GABRB3: variants seen among roughly 807,000 people sequenced by gnomAD.
The protein encoded by GABRB3 is gamma-aminobutyric acid receptor subunit beta-3.
Under a neutral mutation model 52.1 loss-of-function variants are expected in GABRB3, and 14 were observed. The ratio of observed to expected loss-of-function variants is 0.27; its 90% CI spans 0.18 to 0.42. GABRB3 has a LOEUF of 0.42. Among genes scored for constraint, GABRB3 ranks in the 10% least tolerant of loss-of-function variants. The pLI, the probability that GABRB3 is intolerant of heterozygous loss-of-function variation, is 1.00. For missense variants in GABRB3, 307 were observed against 609.1 expected (o/e 0.50, Z 5.22); for synonymous variants, 260 against 232.3 (o/e 1.12, Z -1.08).
At position 26,554,207 on chromosome 15, in the gene GABRB3, A is replaced by ATATATATATATATATATATATT. The variant is rs1348288306; in HGVS notation, c.1081-6074_1081-6073insAATATATATATATATATATATA. On this transcript the variant is annotated intron_variant, in intron 8 of 8. Coordinates refer to ENST00000311550, the MANE Select transcript of GABRB3 (RefSeq NM_000814.6). ...ATATATATACTATATATATATATATATAGTAGAAACAAGGTCTCTCTTTGT... is the reference window on the plus strand; with the variant it reads ...ATATATATACTATATATATATATATATATATATATATATATATATATTTAGTAGAAACAAGGTCTCTCTTTGT... Among the ~76,000 whole-genome samples the ATATATATATATATATATATATT allele has an allele frequency of 1.2e-4, 7 of 57,832 alleles. 2 individuals carry two copies. The highest frequency in any genetic ancestry group is 0.013 in the Middle Eastern group (1 of 76). 37.9% of individuals were successfully genotyped at this position (57,832 alleles called of 152,430 possible).
chr15:26,727,541 C>T (rs1595554424), intron 3 of GABRB3, among the ~76,000 whole-genome samples: 1 of 152,134 alleles, frequency 6.6e-6, no homozygotes, highest in Admixed American at 6.5e-5. Flanking sequence ...AAATGCTCAC[C>T]TAAGCTTACC....
chr15:26,718,962 C>T (rs563689746), intron 3 of GABRB3, among the ~76,000 whole-genome samples: 11 of 152,374 alleles, frequency 7.2e-5, no homozygotes, highest in Admixed American at 7.2e-4. Context: ...CCTGGACAAG[C>T]TCTTCCTCTG....
chr15:26,621,607 A>C lies in GABRB3; in HGVS notation c.241-73T>G. The C allele has an allele frequency of 8.2e-7, 1 of 1,223,584 alleles. No homozygotes were observed. The highest frequency in any genetic ancestry group is 1.2e-6 in the Non-Finnish European group (1 of 843,356). 75.8% of individuals were successfully genotyped at this position (1,223,584 alleles called of 1,614,324 possible). A position where few individuals can be genotyped will look rare whatever the true frequency, so the allele number is the denominator to read the frequency against. ...GTGTATTTCCTCCACGACCAGCCAA[A>C]TTCAGGTTGCAATCTAGGCTCTACA... On this transcript the variant is annotated intron_variant, in intron 3 of 8. Transcript: ENST00000311550. The surrounding 1 kb of genome is among the most constrained non-coding windows in gnomAD (Gnocchi z 4.1).
chr15:26,604,725 G>A (rs1158895753), intron 4 of GABRB3, among the ~76,000 whole-genome samples: 3 of 135,032 alleles, frequency 2.2e-5, no homozygotes, highest in Admixed American at 7.4e-5. Context: ...GCAGAAGAAC[G>A]AAACTTGACC....
chr15:26,565,643 G>A (rs1203440256), intron 7 of GABRB3, among the ~76,000 whole-genome samples: 2 of 152,034 alleles, frequency 1.3e-5, no homozygotes, highest in Non-Finnish European at 2.9e-5. Flanking sequence ...CTCACTTCCG[G>A]GGTATTAACG....
rs201145554 is a variant in GABRB3, at chr15:26,753,216, G to T, written c.240+19186C>A. On this transcript the variant is annotated intron_variant, in intron 3 of 8. Coordinates refer to ENST00000311550, the MANE Select transcript of GABRB3 (RefSeq NM_000814.6). ...TAGTGTCCCGTCACCGCAGACACTG[G>T]CTCCAGTTACCCCTTCACGACACAC... Among the ~76,000 whole-genome samples the T allele has an allele frequency of 2.0e-5, 3 of 152,198 alleles. No homozygotes were observed. In the East Asian group the frequency reaches 5.8e-4, roughly 30 times the overall value.
At chr15:26,572,195 C>T (rs1458659625) in intron 6 of GABRB3, among the ~76,000 whole-genome samples, 3 of 152,238 alleles carry the variant, frequency 2.0e-5, no homozygotes, top group Admixed American at 6.5e-5. Flanking sequence ...AGTTTACCTT[C>T]CCAACTATTT....
At chr15:26,624,633 T>C (rs1221096362) in intron 3 of GABRB3, 2 of 985,376 alleles carry the variant, frequency 2.0e-6, no homozygotes, top group Non-Finnish European at 2.4e-6. Flanking sequence ...GGGTAAGAGC[T>C]TAGGTAACAG....
At chr15:26,697,639 C>T (rs1369457915) in intron 3 of GABRB3, among the ~76,000 whole-genome samples, 2 of 152,314 alleles carry the variant, frequency 1.3e-5, no homozygotes, top group East Asian at 1.9e-4. Flanking sequence ...TCTCATCCCA[C>T]GGCTTCAGAG....
At chr15:26,767,567 C>T (rs554683614) in intron 3 of GABRB3, among the ~76,000 whole-genome samples, 56 of 152,270 alleles carry the variant, frequency 3.7e-4, no homozygotes, top group African/African-American at 1.3e-3. Context: ...GCTAGACGTT[C>T]CCAGGGACTT....
At chr15:26,763,200 C>T (rs1890867684) in intron 3 of GABRB3, among the ~76,000 whole-genome samples, 1 of 152,144 alleles carries the variant, frequency 6.6e-6, no homozygotes, top group Non-Finnish European at 1.5e-5. Flanking sequence ...GGTTCTTGGC[C>T]TATAGCTTTG....
intron 3 of GABRB3, among the ~76,000 whole-genome samples, chr15:26,660,677 T>C (rs1338078845): frequency 6.6e-6 from 1 of 152,118 alleles, no homozygotes; most frequent in Non-Finnish European, 1.5e-5. Context: ...GATCTGGTTT[T>C]GCCTTTTCTG....
chr15:26,726,087 A>G (rs1234032314), intron 3 of GABRB3, among the ~76,000 whole-genome samples: 1 of 151,156 alleles, frequency 6.6e-6, no homozygotes, highest in Non-Finnish European at 1.5e-5. Flanking sequence ...AAGACATATC[A>G]CAGCTGGAGG....
At chr15:26,726,535 C>G (rs969640344) in intron 3 of GABRB3, among the ~76,000 whole-genome samples, 8 of 152,216 alleles carry the variant, frequency 5.3e-5, no homozygotes, top group Non-Finnish European at 1.2e-4. Context: ...CTTTGTCTTT[C>G]ATGATCTTGA....
At chr15:26,744,218 T>G (rs4906689) in intron 3 of GABRB3, among the ~76,000 whole-genome samples, 1 of 152,196 alleles carries the variant, frequency 6.6e-6, no homozygotes, top group African/African-American at 2.4e-5. Flanking sequence ...CGGTTGAGTA[T>G]TTGAATTTGA....
At chr15:26,654,363 G>T (rs1887298481) in intron 3 of GABRB3, among the ~76,000 whole-genome samples, 1 of 152,144 alleles carries the variant, frequency 6.6e-6, no homozygotes, top group Non-Finnish European at 1.5e-5. Flanking sequence ...AGCCAGGATG[G>T]TCTCTATCTC....
intron 3 of GABRB3, among the ~76,000 whole-genome samples, chr15:26,707,726 A>G (rs1414786667): frequency 6.6e-6 from 1 of 152,192 alleles, no homozygotes; most frequent in East Asian, 1.9e-4. Flanking sequence ...ATAAGTGTGA[A>G]CAGTGTCACT....
At chr15:26,616,273 G>T (rs886276006) in intron 4 of GABRB3, among the ~76,000 whole-genome samples, 3 of 152,168 alleles carry the variant, frequency 2.0e-5, no homozygotes, top group Admixed American at 6.5e-5. Flanking sequence ...AAATGGTACT[G>T]AAGTTTATAT....
chr15:26,677,127 C>T (rs1310010832), intron 3 of GABRB3, among the ~76,000 whole-genome samples: 1 of 152,112 alleles, frequency 6.6e-6, no homozygotes, highest in Non-Finnish European at 1.5e-5. Context: ...TATTCTTTGG[C>T]CTCATCTAAA....
Sources: allele counts gnomAD v4.1 joint callset (sites outside exome capture counted in the v4.1 genomes callset), GRCh38; gene constraint gnomAD v4.1.1; non-coding constraint Gnocchi (gnomAD v3.1); transcripts MANE v1.5; gene names NCBI Gene and HGNC (gene_info 2026-07-23, HGNC 2026-07-21).